Variants in REDIC1 observed in about 807,000 individuals in gnomAD.
REDIC1 encodes HEI10 Interacting Protein 1.
the REDIC1 span, among the ~76,000 whole-genome samples, chr12:39,878,947 A>G: frequency 6.6e-6 from 1 of 152,218 alleles, no homozygotes; most frequent in Non-Finnish European, 1.5e-5. Context: ...GCCAGCCCAG[A>G]GCCTACTGCC....
At chr12:39,724,377 G>T in the REDIC1 span, among the ~76,000 whole-genome samples, 1 of 152,134 alleles carries the variant, frequency 6.6e-6, no homozygotes, top group Non-Finnish European at 1.5e-5. Flanking sequence ...AGTGATGTCT[G>T]TGCCCTCTCA....
chr12:39,715,445 G>C, the REDIC1 span, among the ~76,000 whole-genome samples: 4 of 151,888 alleles, frequency 2.6e-5, no homozygotes, highest in East Asian at 7.7e-4. Flanking sequence ...CCAGTACCAT[G>C]CACATCCCAT....
At chr12:39,696,401 G>T in the REDIC1 span, among the ~76,000 whole-genome samples, 1 of 150,282 alleles carries the variant, frequency 6.7e-6, no homozygotes, top group Non-Finnish European at 1.5e-5. Flanking sequence ...AAATTAGCCG[G>T]GCGTAGTGGC....
chr12:39,749,058 A>G, the REDIC1 span, among the ~76,000 whole-genome samples: 1 of 152,218 alleles, frequency 6.6e-6, no homozygotes, highest in Non-Finnish European at 1.5e-5. Context: ...AAGGCAAGAA[A>G]TAACTAAGAT....
the REDIC1 span, chr12:39,757,592 T>G: frequency 6.6e-6 from 1 of 151,824 alleles, no homozygotes; most frequent in Non-Finnish European, 1.5e-5. Context: ...TGTCTTATAC[T>G]TCAAAGATAT....
At chr12:39,723,807 T>C in the REDIC1 span, among the ~76,000 whole-genome samples, 4 of 152,160 alleles carry the variant, frequency 2.6e-5, no homozygotes, top group African/African-American at 9.6e-5. Flanking sequence ...ACAACAACTC[T>C]AGGAAGTTTC....
At chr12:39,900,285 C>T in the REDIC1 span, among the ~76,000 whole-genome samples, 2 of 152,106 alleles carry the variant, frequency 1.3e-5, no homozygotes, top group African/African-American at 4.8e-5. Flanking sequence ...TGGCACAAGA[C>T]AGGGATGCCC....
chr12:39,729,932 T>C, the REDIC1 span, among the ~76,000 whole-genome samples: 1 of 152,246 alleles, frequency 6.6e-6, no homozygotes, highest in African/African-American at 2.4e-5. Context: ...TTTCTCTTTT[T>C]TGATCTTTGT....
chr12:39,812,630 G>T, the REDIC1 span, among the ~76,000 whole-genome samples: 2 of 151,564 alleles, frequency 1.3e-5, no homozygotes, highest in African/African-American at 2.4e-5. Context: ...CCACGGCTAC[G>T]CCCGGCTGAT....
the REDIC1 span, among the ~76,000 whole-genome samples, chr12:39,859,334 A>T: frequency 1.6e-3 from 29 of 18,642 alleles, no homozygotes; most frequent in East Asian, 4.4e-3. Flanking sequence ...TTTTTTTCTG[A>T]AAAAAAAAAA....
At chr12:39,843,641 T>G in the REDIC1 span, among the ~76,000 whole-genome samples, 1 of 152,048 alleles carries the variant, frequency 6.6e-6, no homozygotes, top group African/African-American at 2.4e-5. Flanking sequence ...CCAAAGCATT[T>G]ATTGCTAGTG....
the REDIC1 span, among the ~76,000 whole-genome samples, chr12:39,857,355 G>A: frequency 6.6e-6 from 1 of 152,166 alleles, no homozygotes; most frequent in Non-Finnish European, 1.5e-5. Context: ...ATGTTGCTAA[G>A]TAGACCACAG....
chr12:39,692,008 A>G, the REDIC1 span: 2 of 1,488,330 alleles, frequency 1.3e-6, no homozygotes, highest in Non-Finnish European at 1.8e-6. Flanking sequence ...GAATATTATT[A>G]TGTATACTTA....
chr12:39,871,977 T>C, the REDIC1 span: 5 of 1,551,570 alleles, frequency 3.2e-6, no homozygotes, highest in Non-Finnish European at 4.3e-6. Context: ...AAGCAATGAA[T>C]AAAACAATTG....
the REDIC1 span, among the ~76,000 whole-genome samples, chr12:39,860,247 A>AATTAGGTGTAAGGTGT: frequency 6.6e-6 from 1 of 152,228 alleles, no homozygotes; most frequent in African/African-American, 2.4e-5. Context: ...GTGTAAGATG[A>AATTAGGTGTAAGGTGT]AAGGCTTGAA....
At chr12:39,740,780 A>ACTT in the REDIC1 span, among the ~76,000 whole-genome samples, 7 of 152,300 alleles carry the variant, frequency 4.6e-5, no homozygotes, top group African/African-American at 1.7e-4. Context: ...AATCTTCATA[A>ACTT]CTTTTTTCTT....
chr12:39,858,633 G>T, the REDIC1 span, among the ~76,000 whole-genome samples: 1 of 152,144 alleles, frequency 6.6e-6, no homozygotes, highest in Non-Finnish European at 1.5e-5. Context: ...TTGAGATGGA[G>T]TCTTGCACTA....
At chr12:39,668,287 G>T in the REDIC1 span, among the ~76,000 whole-genome samples, 1 of 152,002 alleles carries the variant, frequency 6.6e-6, no homozygotes, top group East Asian at 1.9e-4. Flanking sequence ...CTCAGCATTT[G>T]CTTGTCTGTA....
the REDIC1 span, among the ~76,000 whole-genome samples, chr12:39,642,345 A>G: frequency 1.3e-5 from 2 of 151,790 alleles, no homozygotes. Context: ...CTGGAACCTT[A>G]TATTCCTACC....
Sources: allele counts gnomAD v4.1 joint callset (sites outside exome capture counted in the v4.1 genomes callset), GRCh38; gene constraint gnomAD v4.1.1; transcripts MANE v1.5; gene names NCBI Gene and HGNC (gene_info 2026-07-23, HGNC 2026-07-21).